Variants in CEP152 observed in about 807,000 individuals in gnomAD.
CEP152 encodes centrosomal protein 152, also known as centrosomal protein of 152 kDa.
In CEP152, 132 loss-of-function variants were observed where a neutral mutation model predicts 188.9. The observed-to-expected ratio is 0.70, with a 90% CI of 0.61 to 0.81. The LOEUF (loss-of-function observed/expected upper bound fraction) is 0.81, where lower values mean the gene tolerates loss of function less well. Ranked by LOEUF, CEP152 falls within the 30% of genes least tolerant of loss-of-function variation. CEP152 has a pLI of 0.00. For synonymous variants in CEP152, 649 were observed against 666.6 expected (o/e 0.97, Z 0.41); for missense variants, 1,914 against 1,969.8 (o/e 0.97, Z 0.54).
intron 13 of CEP152, among the ~76,000 whole-genome samples, chr15:48,770,071 T>C (rs917240652): frequency 2.0e-5 from 3 of 152,242 alleles, no homozygotes; most frequent in Non-Finnish European, 4.4e-5. Context: ...TCATTTAACT[T>C]TGCATATTTT....
chr15:48,767,856 C>T (rs938366377), intron 15 of CEP152, among the ~76,000 whole-genome samples: 4 of 152,104 alleles, frequency 2.6e-5, no homozygotes, highest in Non-Finnish European at 5.9e-5. Context: ...AAGTTATGTT[C>T]CAGAAGTCTG....
intron 11 of CEP152, among the ~76,000 whole-genome samples, chr15:48,781,779 C>G (rs969797221): frequency 1.3e-5 from 2 of 152,054 alleles, no homozygotes; most frequent in African/African-American, 4.8e-5. Flanking sequence ...TTTTCCTCCC[C>G]CTCCAGTGGA....
In CEP152 at chr15:48,748,480, T is replaced by G; in HGVS notation, c.3597A>C (p.Leu1199Phe). ...LEKCCRHLQH[L>F]ERKHKAVVEK... ...CCACTACAGCTTTGTGCTTCCTTTC[T>G]AAATGCTGAAGATGCCTACAGCATT... Residue 1199 changes from leucine (L) to phenylalanine (F), a missense_variant, in exon 22 of 27, where the codon TTA (leucine) becomes TTC (phenylalanine). Coordinates refer to ENST00000380950, the MANE Select transcript of CEP152 (RefSeq NM_001194998.2). 6.5e-7 allele frequency: 1 copy of G among 1,534,756 alleles called. No homozygotes were observed. The highest frequency in any genetic ancestry group is 8.7e-7 in the Non-Finnish European group (1 of 1,146,224).
At chr15:48,790,172 G>A (rs961237811) in intron 8 of CEP152, among the ~76,000 whole-genome samples, 1 of 152,132 alleles carries the variant, frequency 6.6e-6, no homozygotes, top group African/African-American at 2.4e-5. Flanking sequence ...CTGCTTTCAT[G>A]GCTAAGAGAT....
In CEP152 at chr15:48,791,240, T is replaced by C; in HGVS notation, c.969A>G (p.Glu323=). Residue 323 remains glutamate, a synonymous_variant, in exon 8 of 27, where the codon GAA becomes GAG. Coordinates refer to ENST00000380950, the MANE Select transcript of CEP152 (RefSeq NM_001194998.2). ...ATACATAAGTTAAAATAGGTACCTGTTCTTCATTGACTTTTAATGCTTGTA... is the reference window on the plus strand; with the variant it reads ...ATACATAAGTTAAAATAGGTACCTGCTCTTCATTGACTTTTAATGCTTGTA... ...TQIQALKVNE[E]QMIKKSRTTE... 1 of 1,611,238 alleles carries C rather than the reference T, an allele frequency of 6.2e-7. No homozygotes were observed. The highest frequency in any genetic ancestry group is 8.5e-7 in the Non-Finnish European group (1 of 1,179,398).
intron 20 of CEP152, 133 bp downstream of exon 20, chr15:48,755,769 CT>C: frequency 6.6e-7 from 1 of 1,515,704 alleles, no homozygotes; most frequent in Non-Finnish European, 8.8e-7. Context: ...GCTACAGAAA[CT>C]TTTTTAAACC....
rs763102449 is a variant in CEP152 at position 48,752,389 on chromosome 15, A to G, written c.3426T>C (p.His1142=). 6 of 1,614,030 alleles carry G rather than the reference A, an allele frequency of 3.7e-6. No homozygotes were observed. The South Asian group carries it at 5.5e-5, about 15-fold the overall frequency. ...QGDPGPAAGH[H]AQPLALQATE... ...TTGCTTGTAAGGCCAAGGGCTGAGC[A>G]TGGTGTCCAGCAGCAGGTCCAGGGT... Residue 1142 remains histidine (H), a synonymous_variant, in exon 21 of 27, where the codon CAT becomes CAC. Transcript: ENST00000380950.
At chr15:48,787,009 G>C (rs555126652) in intron 9 of CEP152, among the ~76,000 whole-genome samples, 1 of 151,970 alleles carries the variant, frequency 6.6e-6, no homozygotes, top group South Asian at 2.1e-4. Context: ...ATCCAAGAAG[G>C]GCTACTGTCC....
At chr15:48,762,038 C>T (rs1191930367) in intron 18 of CEP152, among the ~76,000 whole-genome samples, 1 of 152,072 alleles carries the variant, frequency 6.6e-6, no homozygotes, top group Non-Finnish European at 1.5e-5. Context: ...TCTATAACCA[C>T]CTTAGTGGAA....
intron 22 of CEP152, 106 bp from the exon 23 acceptor site, chr15:48,745,098 C>T: frequency 5.3e-6 from 4 of 758,998 alleles, no homozygotes; most frequent in Non-Finnish European, 8.1e-6. Flanking sequence ...GTGCAATTTC[C>T]AGTCGCTTTT....
rs1893538047 is a variant in CEP152, at chr15:48,747,565, C to T, written c.3634+878G>A. On this transcript the variant is annotated intron_variant, in intron 22 of 26. Coordinates refer to ENST00000380950, the MANE Select transcript of CEP152 (RefSeq NM_001194998.2). ...CTAGGGAAAATCAAGAAGGGCTTTG[C>T]AGATAAAGCATCTTCTGAGTTGAAT... Among the ~76,000 whole-genome samples, 3 of 152,076 alleles carry T rather than the reference C, an allele frequency of 2.0e-5. No individual in the cohort carries two copies. The South Asian group carries it at 6.2e-4, about 31-fold the overall frequency.
intron 1 of CEP152, among the ~76,000 whole-genome samples, chr15:48,806,970 AT>A (rs1298532622): frequency 6.6e-6 from 1 of 152,070 alleles, no homozygotes. Context: ...AGTGGTAAAA[AT>A]CCCCCTATGA....
rs187841840 is a variant in CEP152 at position 48,781,655 on chromosome 15, G to A, written c.1414-296C>T. On this transcript the variant is annotated intron_variant, in intron 11 of 26. Coordinates refer to ENST00000380950, the MANE Select transcript of CEP152 (RefSeq NM_001194998.2). ...CTTGGGCTTAAATGCTGATGGCGGC[G>A]CTTTCTGGCTTACTAGAGTACAGGA... Among the ~76,000 whole-genome samples the A allele has an allele frequency of 3.0e-4, 45 of 152,224 alleles. 1 individual carries two copies. The highest frequency in any genetic ancestry group is 1.0e-3 in the South Asian group (5 of 4,816).
downstream of CEP152, among the ~76,000 whole-genome samples, chr15:48,736,911 C>T (rs1432394154): frequency 6.6e-6 from 1 of 152,154 alleles, no homozygotes; most frequent in Non-Finnish European, 1.5e-5. Flanking sequence ...GGAGCATAAA[C>T]TTGGCTGTTT....
chr15:48,805,532 T>C (rs1297529347), intron 2 of CEP152, 31 bp downstream of exon 2: 2 of 1,522,924 alleles, frequency 1.3e-6, no homozygotes, highest in South Asian at 1.2e-5. Context: ...GGGTTTAGTG[T>C]CTCTTTTTTT....
rs761737726 is a variant in CEP152, at chr15:48,797,560, C to G, written c.281G>C (p.Ser94Thr). 1 of 1,613,950 alleles carries G rather than the reference C, an allele frequency of 6.2e-7. No homozygotes were observed. The highest frequency in any genetic ancestry group is 1.3e-5 in the African/African-American group (1 of 74,896). Residue 94 changes from serine to threonine, a missense_variant, in exon 5 of 27, where the codon AGT becomes ACT. Physicochemically the swap from Ser to Thr is moderately conservative, Grantham distance 58. Coordinates refer to ENST00000380950, the MANE Select transcript of CEP152 (RefSeq NM_001194998.2). ...QSVNGYNEIQ[S>T]LYAGEKCGNV... The stretch of plus-strand genomic sequence containing the variant: ...ACCACATTTTTCTCCAGCATATAAA[C>G]TCTGAATTTCATTATAGCCCTATTA...
chr15:48,745,291 T>C (rs968064867), intron 22 of CEP152, among the ~76,000 whole-genome samples: 9 of 152,130 alleles, frequency 5.9e-5, no homozygotes, highest in Non-Finnish European at 1.3e-4. Context: ...TGTAGAAACC[T>C]ACTAGGTTTT....
chr15:48,763,917 T>C (rs9302143), intron 17 of CEP152, among the ~76,000 whole-genome samples: 2,248 of 152,224 alleles, frequency 0.015, 49 homozygotes, highest in East Asian at 0.088. Flanking sequence ...TAGTCTAGAG[T>C]TATAATCATT....
intron 6 of CEP152, 121 bp from the exon 7 acceptor site, chr15:48,793,582 T>C: frequency 1.2e-6 from 1 of 832,356 alleles, no homozygotes; most frequent in Non-Finnish European, 1.9e-6. Flanking sequence ...ATCAATTCAG[T>C]GAATTGTGAC....
Sources: allele counts gnomAD v4.1 joint callset (sites outside exome capture counted in the v4.1 genomes callset), GRCh38; gene constraint gnomAD v4.1.1; transcripts MANE v1.5; gene names NCBI Gene and HGNC (gene_info 2026-07-23, HGNC 2026-07-21).